The following RBFOX3 variants were observed in gnomAD, a reference collection of about 807,000 sequenced individuals.
RBFOX3 encodes RNA binding fox-1 homolog 3, also known as RNA binding protein fox-1 homolog 3.
RBFOX3 carries 17 observed loss-of-function variants against 48.7 expected under a neutral mutation model. The observed-to-expected ratio is 0.35, with a 90% confidence interval of 0.24 to 0.52. The LOEUF (loss-of-function observed/expected upper bound fraction) is 0.52, where lower values mean the gene tolerates loss of function less well. Among genes scored for constraint, RBFOX3 ranks in the 20% least tolerant of loss-of-function variants. The probability of loss-of-function intolerance (pLI) is 0.94; values close to 1 mark genes in which losing one functional copy is unlikely to be tolerated. For missense variants in RBFOX3, 382 were observed against 497.5 expected, an observed-to-expected ratio of 0.77 and a Z score of 2.21; for synonymous variants, 212 against 209.5, an observed-to-expected ratio of 1.01 and a Z score of -0.10.
At chr17:79,114,520 T>G (rs964208138) in intron 5 of RBFOX3, among the ~76,000 whole-genome samples, 4 of 152,166 alleles carry the variant, frequency 2.6e-5, no homozygotes, top group Non-Finnish European at 5.9e-5. Flanking sequence ...TGCCCACACA[T>G]GCACCGGGGG....
intron 3 of RBFOX3, among the ~76,000 whole-genome samples, chr17:79,256,361 G>C (rs2064848781): frequency 1.3e-5 from 2 of 152,190 alleles, no homozygotes; most frequent in Non-Finnish European, 2.9e-5. Context: ...CACATAGCAA[G>C]TTTGCTTGTG....
intron 1 of RBFOX3, among the ~76,000 whole-genome samples, chr17:79,590,369 C>T (rs2093382166): frequency 1.3e-5 from 2 of 152,186 alleles, no homozygotes; most frequent in Non-Finnish European, 2.9e-5. Flanking sequence ...AGATGGATTG[C>T]ACATAATTGC....
chr17:79,181,802 C>G (rs1482037671), intron 4 of RBFOX3, among the ~76,000 whole-genome samples: 5 of 152,196 alleles, frequency 3.3e-5, no homozygotes, highest in Admixed American at 2.6e-4. Flanking sequence ...CAGGGGCTAG[C>G]TGCCCTGGGC....
chr17:79,474,084 C>T (rs565801534), intron 2 of RBFOX3, among the ~76,000 whole-genome samples: 3 of 151,750 alleles, frequency 2.0e-5, no homozygotes, highest in Admixed American at 1.3e-4. Flanking sequence ...TGGAATTCAC[C>T]GGCAACCCCC....
intron 2 of RBFOX3, among the ~76,000 whole-genome samples, chr17:79,346,607 G>A (rs540714162): frequency 3.2e-4 from 48 of 152,068 alleles, no homozygotes; most frequent in Non-Finnish European, 4.9e-4. Flanking sequence ...CTTCTATATC[G>A]TCATTTGATG....
At chr17:79,662,132 C>CTTTTTTTTTTTTTTTTTTTTTTTTTTTTT in the RBFOX3 span, among the ~76,000 whole-genome samples, 24 of 96,862 alleles carry the variant, frequency 2.5e-4, 6 homozygotes, top group African/African-American at 7.0e-4. Flanking sequence ...CCTGTTTATT[C>CTTTTTTTTTTTTTTTTTTTTTTTTTTTTT]TTTTTTTTTT....
intron 1 of RBFOX3, among the ~76,000 whole-genome samples, chr17:79,596,040 T>C (rs2145206793): frequency 6.6e-6 from 1 of 152,354 alleles, no homozygotes; most frequent in South Asian, 2.1e-4. Flanking sequence ...TGGCATCTTC[T>C]AGAGCAATCC....
chr17:79,531,861 T>C (rs996592821), intron 1 of RBFOX3, among the ~76,000 whole-genome samples: 1 of 152,228 alleles, frequency 6.6e-6, no homozygotes, highest in Non-Finnish European at 1.5e-5. Flanking sequence ...CACCTTCATC[T>C]GGGATGCGTC....
At chr17:79,258,408 C>G (rs771351877) in intron 3 of RBFOX3, among the ~76,000 whole-genome samples, 7 of 152,198 alleles carry the variant, frequency 4.6e-5, no homozygotes, top group Non-Finnish European at 8.8e-5. Context: ...TCCTCAGAAC[C>G]CACCAGGTGT....
At chr17:79,096,591 C>A (rs1385794263) in intron 12 of RBFOX3, 62 bp downstream of exon 12, 11 of 1,425,822 alleles carry the variant, frequency 7.7e-6, no homozygotes, top group Non-Finnish European at 1.1e-5. Context: ...GAGACGCCGA[C>A]TTCTCATTGA....
At chr17:79,431,117 G>A (rs1212711336) in intron 2 of RBFOX3, among the ~76,000 whole-genome samples, 2 of 152,208 alleles carry the variant, frequency 1.3e-5, no homozygotes, top group Non-Finnish European at 2.9e-5. Context: ...GGTGATCATG[G>A]GTATTGCACA....
chr17:79,491,078 C>A (rs1260143357), intron 1 of RBFOX3, among the ~76,000 whole-genome samples: 2 of 1,616 alleles, frequency 1.2e-3, no homozygotes, highest in Non-Finnish European at 1.1e-3. Flanking sequence ...GGAGGGGAGG[C>A]GAGGGGAGGC....
chr17:79,402,656 T>C (rs1276344422), intron 2 of RBFOX3, among the ~76,000 whole-genome samples: 1 of 152,112 alleles, frequency 6.6e-6, no homozygotes, highest in African/African-American at 2.4e-5. Context: ...GGCTATCATC[T>C]TTGGCTCTCG....
the RBFOX3 span, among the ~76,000 whole-genome samples, chr17:79,633,814 A>G: frequency 6.6e-6 from 1 of 151,988 alleles, no homozygotes; most frequent in African/African-American, 2.4e-5. Flanking sequence ...GGGAGTTTCT[A>G]AGAGCCCCGT....
At chr17:79,211,774 T>C (rs1177378194) in intron 4 of RBFOX3, among the ~76,000 whole-genome samples, 1 of 152,110 alleles carries the variant, frequency 6.6e-6, no homozygotes, top group East Asian at 1.9e-4. Flanking sequence ...CATTTCTAGA[T>C]CCCTTTACCA....
rs138024054 is a variant in RBFOX3, at chr17:79,205,087, G to A, written c.-34+30679C>T. 7.6e-4 allele frequency among the ~76,000 whole-genome samples: 115 copies of A among 152,286 alleles called. No individual in the cohort carries two copies. The highest frequency in any genetic ancestry group is 2.7e-3 in the African/African-American group (114 of 41,540). The stretch of plus-strand genomic sequence containing the variant: ...AGTTCTCCAGTCAGAGCCCACTGGT[G>A]GAAGGAAGACCAGGTAGGGCTTAGG... On this transcript the variant is annotated intron_variant, in intron 4 of 14. Coordinates refer to ENST00000693108, the MANE Select transcript of RBFOX3 (RefSeq NM_001350451.2). This position sits in a 1 kb window ranked among gnomAD's most constrained non-coding sequence, Gnocchi z 4.5.
chr17:79,348,526 G>A (rs1237703670), intron 2 of RBFOX3, among the ~76,000 whole-genome samples: 1 of 147,906 alleles, frequency 6.8e-6, no homozygotes. Context: ...GGAGCTAGTG[G>A]TCTTGCTGGT....
intron 2 of RBFOX3, among the ~76,000 whole-genome samples, chr17:79,410,630 G>A (rs569612958): frequency 1.4e-4 from 22 of 152,300 alleles, no homozygotes; most frequent in Non-Finnish European, 2.4e-4. Context: ...GAGGGGTCCC[G>A]TGGTGAGGAA....
At chr17:79,112,904 C>CGGCGG (rs1307784460) in intron 5 of RBFOX3, among the ~76,000 whole-genome samples, 130 of 10,212 alleles carry the variant, frequency 0.013, 1 homozygote, top group Non-Finnish European at 0.013. Context: ...AGCAGGCTCT[C>CGGCGG]GGGGGGGGGG....
Sources: gnomAD v4.1 joint callset for allele counts (sites outside exome capture counted in the v4.1 genomes callset) on GRCh38, gnomAD v4.1.1 for gene constraint, Gnocchi (gnomAD v3.1) non-coding constraint, MANE v1.5 for transcripts, NCBI Gene and HGNC (gene_info 2026-07-23, HGNC 2026-07-21) for gene names.